CCDC171: variants seen among roughly 807,000 people sequenced by gnomAD.
CCDC171 encodes the protein coiled-coil domain containing 171.
Under a neutral mutation model 168.2 loss-of-function variants are expected in CCDC171, and 177 were observed. That is an observed-to-expected ratio of 1.05 (90% CI 0.93 to 1.19). The LOEUF (loss-of-function observed/expected upper bound fraction) is 1.19. CCDC171 is among the 50% of genes most tolerant of loss of function. The pLI, the probability that CCDC171 is intolerant of heterozygous loss-of-function variation, is 0.00. For synonymous variants in CCDC171, 687 were observed against 540.8 expected, an observed-to-expected ratio of 1.27 and a Z score of -3.75; for missense variants, 1,991 against 1,539.0, an observed-to-expected ratio of 1.29 and a Z score of -4.91.
At chr9:15,926,754 A>G (rs1445572952) in intron 25 of CCDC171, among the ~76,000 whole-genome samples, 1 of 151,702 alleles carries the variant, frequency 6.6e-6, no homozygotes, top group Admixed American at 6.6e-5. Context: ...TAGGTGATCA[A>G]TAAATATTCT....
At chr9:15,724,298 T>C (rs1279303207) in intron 13 of CCDC171, among the ~76,000 whole-genome samples, 1 of 152,186 alleles carries the variant, frequency 6.6e-6, no homozygotes, top group Non-Finnish European at 1.5e-5. Context: ...TCATGTTGGG[T>C]TTGTCCTGGA....
chr9:15,586,151 A>G (rs1338398872), intron 4 of CCDC171, among the ~76,000 whole-genome samples: 2 of 152,192 alleles, frequency 1.3e-5, no homozygotes, highest in African/African-American at 4.8e-5. Flanking sequence ...GAAATGCATA[A>G]AATGTATGAT....
chr9:15,848,866 T>G, intron 22 of CCDC171, 27 bp from the exon 23 acceptor site: 1 of 1,410,020 alleles, frequency 7.1e-7, no homozygotes, highest in South Asian at 1.3e-5. Flanking sequence ...TGAGTTTTAC[T>G]AACACTTAAT....
At chr9:15,602,647 C>CTTT (rs1161286304) in intron 6 of CCDC171, among the ~76,000 whole-genome samples, 5 of 30,460 alleles carry the variant, frequency 1.6e-4, no homozygotes, top group Non-Finnish European at 2.4e-4. Context: ...TTTTTTTTTT[C>CTTT]TTTTTTTTTT....
chr9:16,062,552 AG>A (rs1483559870), downstream of CCDC171, among the ~76,000 whole-genome samples: 1 of 152,180 alleles, frequency 6.6e-6, no homozygotes, highest in Admixed American at 6.5e-5. Flanking sequence ...TGAACCTAAA[AG>A]AAATGTTGGA....
intron 3 of CCDC171, among the ~76,000 whole-genome samples, chr9:15,573,308 C>G (rs982527442): frequency 6.6e-6 from 1 of 152,098 alleles, no homozygotes; most frequent in African/African-American, 2.4e-5. Context: ...CGAAGTCTCG[C>G]TCTGTCACCC....
At chr9:15,716,306 C>T (rs777905371) in intron 11 of CCDC171, among the ~76,000 whole-genome samples, 50 of 152,090 alleles carry the variant, frequency 3.3e-4, no homozygotes, top group Non-Finnish European at 5.7e-4. Flanking sequence ...GATCACTGTT[C>T]AGATCTTTTT....
chr9:15,779,368 C>CT lies in CCDC171; in HGVS notation c.3081+227dup, dbSNP rs34609097. On this transcript the variant is annotated intron_variant, in intron 20 of 25. Transcript: ENST00000380701. The stretch of plus-strand genomic sequence containing the variant: ...AGTGGGGAGAGAGATTTCCTCTCTT[C>CT]TTTTTTTTTGAGATGGAGTCTCACT... 8.2e-3 allele frequency among the ~76,000 whole-genome samples: 1,240 copies of CT among 151,168 alleles called. 9 individuals carry two copies. The highest frequency in any genetic ancestry group is 0.012 in the Non-Finnish European group (800 of 67,722).
chr9:15,863,995 A>G (rs749619443), intron 23 of CCDC171, among the ~76,000 whole-genome samples: 1 of 152,120 alleles, frequency 6.6e-6, no homozygotes, highest in African/African-American at 2.4e-5. Flanking sequence ...TTTGTCACGT[A>G]TAGCAACTGA....
At chr9:15,896,488 A>T (rs191216275) in intron 24 of CCDC171, among the ~76,000 whole-genome samples, 86 of 152,212 alleles carry the variant, frequency 5.7e-4, no homozygotes, top group African/African-American at 1.9e-3. Flanking sequence ...ATGCCAAAAA[A>T]GGAAAATGAA....
chr9:15,790,165 G>T (rs2058180923), intron 21 of CCDC171, among the ~76,000 whole-genome samples: 1 of 152,156 alleles, frequency 6.6e-6, no homozygotes, highest in Admixed American at 6.5e-5. Flanking sequence ...GATACTTGAG[G>T]AATTGCCGCA....
At chr9:15,953,744 G>A (rs1829466421) in intron 25 of CCDC171, among the ~76,000 whole-genome samples, 1 of 152,082 alleles carries the variant, frequency 6.6e-6, no homozygotes, top group Non-Finnish European at 1.5e-5. Context: ...GTTTGAGGAG[G>A]ACTAATGTTA....
At chr9:16,052,433 G>A (rs1441153169) in intron 1 of CCDC171, among the ~76,000 whole-genome samples, 1 of 152,116 alleles carries the variant, frequency 6.6e-6, no homozygotes, top group African/African-American at 2.4e-5. Context: ...AGATACCCCT[G>A]GGTTACACAT....
intron 4 of CCDC171, among the ~76,000 whole-genome samples, chr9:15,589,598 TGAA>T (rs1268423172): frequency 6.6e-6 from 1 of 152,228 alleles, no homozygotes; most frequent in East Asian, 1.9e-4. Context: ...GGTAGTCCTT[TGAA>T]GAAGAGGGTT....
intron 7 of CCDC171, among the ~76,000 whole-genome samples, chr9:15,626,456 T>G (rs895664105): frequency 1.9e-4 from 29 of 152,330 alleles, no homozygotes; most frequent in African/African-American, 6.7e-4. Context: ...GGGTTTGTCA[T>G]AAAGAGCTCT....
chr9:15,797,297 A>C (rs1263015160), intron 21 of CCDC171, among the ~76,000 whole-genome samples: 1 of 152,046 alleles, frequency 6.6e-6, no homozygotes, highest in Admixed American at 6.6e-5. Flanking sequence ...GGTCACTGCA[A>C]CCTCTGCCTC....
At chr9:15,837,351 A>C (rs2060496279) in intron 21 of CCDC171, among the ~76,000 whole-genome samples, 1 of 152,234 alleles carries the variant, frequency 6.6e-6, no homozygotes, top group Non-Finnish European at 1.5e-5. Context: ...GAGGGATCAG[A>C]AGTGTAAATT....
intron 7 of CCDC171, among the ~76,000 whole-genome samples, chr9:15,647,764 C>G (rs575117981): frequency 6.6e-6 from 1 of 152,096 alleles, no homozygotes; most frequent in Non-Finnish European, 1.5e-5. Context: ...AATAGCCTAA[C>G]CAACCAAAAA....
At chr9:15,699,901 G>A (rs991568271) in intron 11 of CCDC171, among the ~76,000 whole-genome samples, 2 of 152,162 alleles carry the variant, frequency 1.3e-5, no homozygotes, top group African/African-American at 2.4e-5. Flanking sequence ...ACAGAGTGCC[G>A]ATTGGTGTAT....
Sources: allele counts gnomAD v4.1 joint callset (sites outside exome capture counted in the v4.1 genomes callset), GRCh38; gene constraint gnomAD v4.1.1; transcripts MANE v1.5; gene names NCBI Gene and HGNC (gene_info 2026-07-23, HGNC 2026-07-21).